Variants in CGNL1 observed in about 807,000 individuals in gnomAD.
The protein encoded by CGNL1 is cingulin-like protein 1.
In CGNL1, 132 loss-of-function variants were observed where a neutral mutation model predicts 141.2. The observed-to-expected ratio is 0.93, with a 90% CI of 0.81 to 1.08. CGNL1 has a LOEUF of 1.08. Ranked by LOEUF, CGNL1 falls within the 50% of genes least tolerant of loss-of-function variation. The probability of loss-of-function intolerance (pLI) is 0.00; values close to 1 mark genes in which losing one functional copy is unlikely to be tolerated. For missense variants in CGNL1, 1,870 were observed against 1,588.6 expected (o/e 1.18, Z -3.01); for synonymous variants, 690 against 622.1 (o/e 1.11, Z -1.63).
chr15:57,543,057 C>T (rs1432994360), intron 14 of CGNL1, among the ~76,000 whole-genome samples: 3 of 152,176 alleles, frequency 2.0e-5, no homozygotes, highest in Admixed American at 6.5e-5. Context: ...AATCTATTGT[C>T]TCATGGTTCT....
intron 10 of CGNL1, among the ~76,000 whole-genome samples, chr15:57,519,196 C>T (rs2031069161): frequency 6.6e-6 from 1 of 152,162 alleles, no homozygotes; most frequent in Non-Finnish European, 1.5e-5. Flanking sequence ...GCAGGTGTGT[C>T]CTTCTCCTAT....
chr15:57,442,181 T>TTAAAAAAAAA (rs1567120591), intron 3 of CGNL1, among the ~76,000 whole-genome samples, 192 bp from the exon 4 acceptor site: 4 of 20,584 alleles, frequency 1.9e-4, no homozygotes, highest in African/African-American at 4.1e-4. Context: ...ATCATTTATT[T>TTAAAAAAAAA]GAAAAAAAAA....
Position 57,454,037 on chromosome 15 carries a change from A to G in CGNL1, c.2190+219A>G, listed in dbSNP as rs1280408. 0.19 allele frequency among the ~76,000 whole-genome samples: 28,166 copies of G among 152,054 alleles called. 2,902 individuals carry two copies. Among genetic ancestry groups the G allele is most frequent in the Middle Eastern group, 0.24 (70 of 294 alleles). ...TTATTATGTATTCTCTCTTCTCTAG[A>G]TTATTATCTTGTTGAGGTATTAGAT... On this transcript the variant is annotated intron_variant, in intron 7 of 18. Transcript: ENST00000281282.
intron 14 of CGNL1, among the ~76,000 whole-genome samples, chr15:57,537,501 C>T (rs578034035): frequency 1.4e-4 from 21 of 151,978 alleles, no homozygotes; most frequent in Non-Finnish European, 3.1e-4. Context: ...GTATCAGCTG[C>T]TCAAAAACCC....
At chr15:57,478,830 G>A (rs1442794773) in intron 8 of CGNL1, among the ~76,000 whole-genome samples, 1 of 152,064 alleles carries the variant, frequency 6.6e-6, no homozygotes, top group Non-Finnish European at 1.5e-5. Context: ...TTAGAGATGG[G>A]GTTTTGCCGT....
chr15:57,410,386 C>G (rs1392062872), intron 1 of CGNL1, among the ~76,000 whole-genome samples: 1 of 152,174 alleles, frequency 6.6e-6, no homozygotes, highest in African/African-American at 2.4e-5. Context: ...ATGGTTTATA[C>G]CACCATTGGG....
chr15:57,396,665 A>T (rs1482292501), intron 1 of CGNL1, among the ~76,000 whole-genome samples: 1 of 152,034 alleles, frequency 6.6e-6, no homozygotes, highest in Non-Finnish European at 1.5e-5. Flanking sequence ...ATAGGTGTGG[A>T]GCTGTATTCT....
At chr15:57,400,044 G>T (rs1378407106) in intron 1 of CGNL1, among the ~76,000 whole-genome samples, 1 of 150,148 alleles carries the variant, frequency 6.7e-6, no homozygotes, top group African/African-American at 2.5e-5. Context: ...CCAAAGTGGT[G>T]GTGCAGTGGC....
rs1278508418 is a variant in CGNL1, at chr15:57,550,055, A to G, written c.*2565A>G. 6.6e-6 allele frequency: 1 copy of G among 152,234 alleles called. No individual in the cohort carries two copies. The highest frequency in any genetic ancestry group is 1.9e-4 in the East Asian group (1 of 5,202). 9.4% of individuals were successfully genotyped at this position (152,234 alleles called of 1,614,324 possible). On this transcript the variant is annotated 3_prime_UTR_variant, in exon 19 of 19. Transcript: ENST00000281282. ...AGTAGCCATGGGGCTGGCTACAAGA[A>G]GCAAAACTGCCCATGCAAAGAGAAC...
rs777379043 is a variant in CGNL1, at chr15:57,438,981, C to T, written c.982C>T (p.Arg328Cys). 3 of 1,614,176 alleles carry T rather than the reference C, an allele frequency of 1.9e-6. No homozygotes were observed. Among genetic ancestry groups the T allele is most frequent in the Middle Eastern group, 1.6e-4 (1 of 6,062 alleles). Residue 328 changes from arginine (R) to cysteine (C), a missense_variant, in exon 2 of 19, where the codon CGT becomes TGT. Transcript: ENST00000281282. ...ECAIHADNVN[R>C]HENRRYIPFL... Reference sequence around the variant, plus strand: ...TGCCATCCATGCCGACAACGTCAATCGTCATGAAAACAGAAGGTATATTCC... The same window carrying T: ...TGCCATCCATGCCGACAACGTCAATTGTCATGAAAACAGAAGGTATATTCC...
chr15:57,414,871 T>C (rs1468573969), intron 1 of CGNL1, among the ~76,000 whole-genome samples: 2 of 152,216 alleles, frequency 1.3e-5, no homozygotes, highest in Admixed American at 1.3e-4. Flanking sequence ...CTCTCATATA[T>C]TGCATTGTCT....
intron 8 of CGNL1, among the ~76,000 whole-genome samples, chr15:57,493,646 T>G (rs745456817): frequency 2.0e-5 from 3 of 152,218 alleles, no homozygotes; most frequent in Non-Finnish European, 4.4e-5. Context: ...GTAGGACTTC[T>G]GGATGATCGT....
chr15:57,533,027 C>G (rs111390668), intron 14 of CGNL1, among the ~76,000 whole-genome samples: 81 of 152,320 alleles, frequency 5.3e-4, no homozygotes, highest in African/African-American at 1.9e-3. Flanking sequence ...GGGATAGCAC[C>G]TTATGAGCAG....
chr15:57,398,703 C>T (rs75737231), intron 1 of CGNL1, among the ~76,000 whole-genome samples: 4,210 of 152,210 alleles, frequency 0.028, 74 homozygotes, highest in East Asian at 0.037. Flanking sequence ...TTACTCAAAC[C>T]GGCAGGTTGT....
rs1399986907 is a variant in CGNL1 at position 57,452,359 on chromosome 15, C to T, written c.2054+70C>T. The T allele has an allele frequency of 5.2e-6, 7 of 1,350,358 alleles. No individual in the cohort carries two copies. In the African/African-American group the frequency reaches 8.9e-5, roughly 17 times the overall value. The allele number at this position is 1,350,358 out of a possible 1,614,324, so 83.6% of individuals were successfully genotyped here. A position where few individuals can be genotyped will look rare whatever the true frequency, so the allele number is the denominator to read the frequency against. On this transcript the variant is annotated intron_variant, in intron 6 of 18. Coordinates refer to ENST00000281282, the MANE Select transcript of CGNL1 (RefSeq NM_032866.5). ...TGACATGTAGCTAGAAACTTTCTGT[C>T]CATTTAATACTACCCAGCCTTCCAA...
intron 1 of CGNL1, among the ~76,000 whole-genome samples, chr15:57,408,547 A>G (rs374328366): frequency 6.2e-4 from 95 of 152,188 alleles, no homozygotes; most frequent in Middle Eastern, 3.4e-3. Context: ...ATTTTAGTTT[A>G]GTTTTTTAGA....
chr15:57,386,413 G>C (rs116740579), intron 1 of CGNL1, among the ~76,000 whole-genome samples: 2,128 of 152,300 alleles, frequency 0.014, 42 homozygotes, highest in African/African-American at 0.048. Context: ...GCCTTTTGAA[G>C]GCATTTTTCA....
At chr15:57,452,419 CCTCTTATCT>C (rs1336971653) in intron 6 of CGNL1, 130 bp downstream of exon 6, 3 of 784,850 alleles carry the variant, frequency 3.8e-6, no homozygotes, top group Admixed American at 6.3e-5. Flanking sequence ...TCCTTTTCTT[CCTCTTATCT>C]TTGTAAAATT....
At chr15:57,488,049 C>G (rs2063808362) in intron 8 of CGNL1, among the ~76,000 whole-genome samples, 1 of 152,212 alleles carries the variant, frequency 6.6e-6, no homozygotes. Context: ...TTCTCCACAT[C>G]CTCTCCCACA....
Sources: allele counts gnomAD v4.1 joint callset (sites outside exome capture counted in the v4.1 genomes callset), GRCh38; gene constraint gnomAD v4.1.1; transcripts MANE v1.5; gene names NCBI Gene and HGNC (gene_info 2026-07-23, HGNC 2026-07-21).